The following TLL2 variants were observed in gnomAD, a reference collection of about 807,000 sequenced individuals.
The protein encoded by TLL2 is tolloid-like protein 2.
In TLL2, 106 loss-of-function variants were observed where a neutral mutation model predicts 123.0. That is an observed-to-expected ratio of 0.86 (90% CI 0.74 to 1.01). TLL2 has a LOEUF of 1.01. Among genes scored for constraint, TLL2 ranks in the 50% least tolerant of loss-of-function variants. TLL2 has a pLI of 0.00. For missense variants in TLL2, 1,332 were observed against 1,336.7 expected (o/e 1.00, Z 0.06); for synonymous variants, 494 against 516.8 (o/e 0.96, Z 0.60).
chr10:96,380,324 C>A lies in TLL2; in HGVS notation c.2195-1232G>T, dbSNP rs116125280. 4.1e-3 allele frequency among the ~76,000 whole-genome samples: 629 copies of A among 152,232 alleles called. 4 individuals carry two copies. Among genetic ancestry groups the A allele is most frequent in the African/African-American group, 0.014 (598 of 41,528 alleles). On this transcript the variant is annotated intron_variant, in intron 16 of 20. Transcript: ENST00000357947. Reference sequence around the variant, plus strand: ...CTTTAGGGGTCAGCCCTGTCTTCCTCCCCTCTCTATATGCTCTTGTTCACC... The same window carrying A: ...CTTTAGGGGTCAGCCCTGTCTTCCTACCCTCTCTATATGCTCTTGTTCACC...
At chr10:96,419,723 A>G (rs1380385384) in intron 7 of TLL2, among the ~76,000 whole-genome samples, 1 of 152,206 alleles carries the variant, frequency 6.6e-6, no homozygotes, top group East Asian at 1.9e-4. Context: ...GATTTCTCCC[A>G]TAGTCCTATC....
chr10:96,482,237 G>C (rs573538100), intron 1 of TLL2, among the ~76,000 whole-genome samples: 1 of 148,016 alleles, frequency 6.8e-6, no homozygotes, highest in Non-Finnish European at 1.5e-5. Context: ...CAGCCTGGGC[G>C]ACAGAGCGAG....
intron 1 of TLL2, among the ~76,000 whole-genome samples, chr10:96,491,394 A>AAAAG (rs762870796): frequency 4.0e-5 from 6 of 149,270 alleles, no homozygotes; most frequent in Admixed American, 2.7e-4. Context: ...AAAAAAAAAA[A>AAAAG]AAAAGAAAAG....
chr10:96,372,381 TG>T (rs746518104), intron 19 of TLL2, among the ~76,000 whole-genome samples: 9 of 152,092 alleles, frequency 5.9e-5, no homozygotes, highest in Non-Finnish European at 1.0e-4. Flanking sequence ...AGAAGCAGAG[TG>T]GGCTTTGGGT....
At chr10:96,476,248 T>TTTTTTTTTTTTTTTGTTG (rs1285354320) in intron 2 of TLL2, among the ~76,000 whole-genome samples, 2 of 69,232 alleles carry the variant, frequency 2.9e-5, no homozygotes, top group African/African-American at 1.2e-4. Context: ...ATATTTTATT[T>TTTTTTTTTTTTTTTGTTG]TTGTTGTTGT....
intron 3 of TLL2, among the ~76,000 whole-genome samples, chr10:96,434,814 A>G (rs1846777325): frequency 6.6e-6 from 1 of 152,178 alleles, no homozygotes; most frequent in African/African-American, 2.4e-5. Context: ...GAAATACACC[A>G]GGGTTCCAAT....
At chr10:96,386,822 G>A (rs1846238658) in intron 14 of TLL2, 131 bp downstream of exon 14, 1 of 1,322,964 alleles carries the variant, frequency 7.6e-7, no homozygotes, top group South Asian at 1.3e-5. Context: ...GGAAGTAGGT[G>A]GGTCTTCCAC....
At chr10:96,438,294 A>T (rs923115884) in intron 3 of TLL2, among the ~76,000 whole-genome samples, 1 of 152,174 alleles carries the variant, frequency 6.6e-6, no homozygotes, top group African/African-American at 2.4e-5. Flanking sequence ...TTTCAGCAGC[A>T]TTGTTTAATT....
intron 3 of TLL2, among the ~76,000 whole-genome samples, chr10:96,441,933 T>G (rs1006065343): frequency 1.2e-4 from 19 of 152,346 alleles, no homozygotes; most frequent in African/African-American, 4.6e-4. Flanking sequence ...CATTATTATT[T>G]GCTTTCACAC....
intron 7 of TLL2, among the ~76,000 whole-genome samples, chr10:96,415,487 G>A (rs551878244): frequency 2.0e-5 from 3 of 151,732 alleles, no homozygotes; most frequent in African/African-American, 7.3e-5. Context: ...TTTTCTTAAG[G>A]AGTGATGGTA....
chr10:96,453,425 C>A (rs1564910227), intron 2 of TLL2, among the ~76,000 whole-genome samples: 1 of 152,024 alleles, frequency 6.6e-6, no homozygotes, highest in African/African-American at 2.4e-5. Flanking sequence ...CACTGCACTC[C>A]AGCCTGGATG....
chr10:96,481,179 C>T lies in TLL2; in HGVS notation c.176-720G>A, dbSNP rs528878627. Among the ~76,000 whole-genome samples the T allele has an allele frequency of 5.3e-5, 8 of 151,494 alleles. No homozygotes were observed. In the East Asian group the frequency reaches 1.5e-3, roughly 29 times the overall value. On this transcript the variant is annotated intron_variant, in intron 1 of 20. Transcript: ENST00000357947. Reference sequence around the variant, plus strand: ...TTTTTTTAAGAGAGACAGAGTCTTGCTCTGTAGCCCAGTCTGGAGTGCAGT... The same window carrying T: ...TTTTTTTAAGAGAGACAGAGTCTTGTTCTGTAGCCCAGTCTGGAGTGCAGT...
At chr10:96,407,803 C>A (rs1236355723) in intron 9 of TLL2, among the ~76,000 whole-genome samples, 1 of 152,218 alleles carries the variant, frequency 6.6e-6, no homozygotes, top group Non-Finnish European at 1.5e-5. Context: ...CACCTTCTGT[C>A]ATTGAGTGTG....
At chr10:96,466,692 GGGTCTCTGCAA>G (rs1847134998) in intron 2 of TLL2, among the ~76,000 whole-genome samples, 1 of 152,202 alleles carries the variant, frequency 6.6e-6, no homozygotes, top group South Asian at 2.1e-4. Flanking sequence ...GCCCACTAGT[GGGTCTCTGCAA>G]GGTTCCTGGC....
rs900973364 is a variant in TLL2 at position 96,396,169 on chromosome 10, G to A, written c.1385-149C>T. 28 of 898,666 alleles carry A rather than the reference G, an allele frequency of 3.1e-5. No homozygotes were observed. The Middle Eastern group carries it at 1.1e-3, about 34-fold the overall frequency. The allele number at this position is 898,666 out of a possible 1,614,324, so 55.7% of individuals were successfully genotyped here. ...TTCATCTCCAGCCCACAAACACCGC[G>A]CCTCCAGAAAGGCACGATTGCATTT... On this transcript the variant is annotated intron_variant, in intron 11 of 20. Transcript: ENST00000357947.
intron 5 of TLL2, among the ~76,000 whole-genome samples, chr10:96,424,490 C>T (rs1267548441): frequency 1.3e-5 from 2 of 152,172 alleles, no homozygotes; most frequent in East Asian, 3.8e-4. Context: ...CTATTTCCCT[C>T]ATCCTGGCCA....
chr10:96,392,729 G>T (rs886180468), intron 13 of TLL2, among the ~76,000 whole-genome samples: 1 of 152,198 alleles, frequency 6.6e-6, no homozygotes, highest in Admixed American at 6.5e-5. Context: ...GCCTTCCAAA[G>T]CTGTCTACAG....
At chr10:96,506,251 C>CAAAA (rs1210970430) in intron 1 of TLL2, among the ~76,000 whole-genome samples, 798 of 36,388 alleles carry the variant, frequency 0.022, 112 homozygotes, top group East Asian at 0.1. Flanking sequence ...GACCCCATCT[C>CAAAA]AAAAAAAAAA....
chr10:96,369,952 G>C, intron 20 of TLL2, 113 bp downstream of exon 20: 4 of 1,412,406 alleles, frequency 2.8e-6, no homozygotes, highest in South Asian at 1.5e-5. Flanking sequence ...CCTCCTCGCC[G>C]TTGCTCCTAA....
Sources: allele counts gnomAD v4.1 joint callset (sites outside exome capture counted in the v4.1 genomes callset), GRCh38; gene constraint gnomAD v4.1.1; transcripts MANE v1.5; gene names NCBI Gene and HGNC (gene_info 2026-07-23, HGNC 2026-07-21).